The following MPDZ variants were observed in gnomAD, a reference collection of about 807,000 sequenced individuals.
The protein encoded by MPDZ is multiple PDZ domain crumbs cell polarity complex component, also known as multiple PDZ domain protein.
Under a neutral mutation model 239.1 loss-of-function variants are expected in MPDZ, and 234 were observed. That is an observed-to-expected ratio of 0.98 (90% confidence interval 0.88 to 1.09). The LOEUF is 1.09. Among genes scored for constraint, MPDZ ranks in the 50% least tolerant of loss-of-function variants. The probability of loss-of-function intolerance (pLI) is 0.00; values close to 1 mark genes in which losing one functional copy is unlikely to be tolerated. For missense variants in MPDZ, 3,175 were observed against 2,510.0 expected, an observed-to-expected ratio of 1.26 and a Z score of -5.66; for synonymous variants, 1,048 against 881.3, an observed-to-expected ratio of 1.19 and a Z score of -3.35.
intron 19 of MPDZ, among the ~76,000 whole-genome samples, chr9:13,179,249 T>A (rs971710371): frequency 2.6e-5 from 4 of 152,182 alleles, no homozygotes; most frequent in Non-Finnish European, 4.4e-5. Context: ...CCAACTTTGA[T>A]AATTTTATTC....
chr9:13,122,048 C>A (rs1345814327), intron 37 of MPDZ, 39 bp downstream of exon 37: 1 of 1,610,092 alleles, frequency 6.2e-7, no homozygotes, highest in East Asian at 2.2e-5. Flanking sequence ...GGAGCCTTTT[C>A]TCTGTTAATT....
At chr9:13,264,692 A>T (rs899380035) in intron 1 of MPDZ, among the ~76,000 whole-genome samples, 5 of 151,654 alleles carry the variant, frequency 3.3e-5, no homozygotes, top group African/African-American at 1.2e-4. Context: ...AATACACATT[A>T]GGGAACTATG....
intron 3 of MPDZ, among the ~76,000 whole-genome samples, chr9:13,236,849 G>C (rs1255286836): frequency 6.6e-6 from 1 of 150,446 alleles, no homozygotes; most frequent in Non-Finnish European, 1.5e-5. Context: ...AACGTACCAG[G>C]ATGTTTTACC....
intron 3 of MPDZ, among the ~76,000 whole-genome samples, chr9:13,227,486 C>T (rs1961004006): frequency 6.6e-6 from 1 of 151,816 alleles, no homozygotes; most frequent in Non-Finnish European, 1.5e-5. Context: ...CCTGAGGATC[C>T]CACACACCAA....
chr9:13,147,496 C>A, intron 26 of MPDZ, 52 bp downstream of exon 26: 1 of 1,390,582 alleles, frequency 7.2e-7, no homozygotes. Flanking sequence ...ACATTAGATT[C>A]CAAGTTGAAC....
intron 38 of MPDZ, among the ~76,000 whole-genome samples, chr9:13,121,433 T>G (rs2131595555): frequency 6.6e-6 from 1 of 152,338 alleles, no homozygotes; most frequent in Non-Finnish European, 1.5e-5. Context: ...GATGAGTTTT[T>G]GGAGTTCAGG....
chr9:13,217,881 G>A (rs763861278), intron 8 of MPDZ, among the ~76,000 whole-genome samples: 4 of 151,796 alleles, frequency 2.6e-5, no homozygotes, highest in African/African-American at 4.8e-5. Flanking sequence ...CTGAAAGTGG[G>A]TTTCTCAGAT....
intron 36 of MPDZ, 22 bp downstream of exon 36, chr9:13,123,131 A>G: frequency 6.2e-7 from 1 of 1,600,502 alleles, no homozygotes; most frequent in Non-Finnish European, 8.5e-7. Flanking sequence ...CCTGTACAGA[A>G]GCACCTCTGG....
intron 1 of MPDZ, among the ~76,000 whole-genome samples, chr9:13,256,634 T>A (rs1045835131): frequency 6.6e-6 from 1 of 152,016 alleles, no homozygotes; most frequent in African/African-American, 2.4e-5. Flanking sequence ...GATGGAGCAG[T>A]TGGAACATGT....
chr9:13,136,335 T>TTTTTTTTTTTTTTTTTTTTC (rs1946776583), intron 30 of MPDZ, among the ~76,000 whole-genome samples, 153 bp from the exon 31 acceptor site: 1 of 131,612 alleles, frequency 7.6e-6, no homozygotes, highest in Non-Finnish European at 1.6e-5. Flanking sequence ...CTTTTTTTTT[T>TTTTTTTTTTTTTTTTTTTTC]TTTTTTTTTT....
chr9:13,269,277 A>T (rs944363758), intron 1 of MPDZ, among the ~76,000 whole-genome samples: 12 of 152,210 alleles, frequency 7.9e-5, no homozygotes, highest in African/African-American at 2.7e-4. Flanking sequence ...GAGGAAAGAG[A>T]AATATGGTTA....
intron 1 of MPDZ, 77 bp downstream of exon 1, chr9:13,279,323 G>C (rs1218601117): frequency 8.0e-6 from 1 of 124,776 alleles, no homozygotes; most frequent in Non-Finnish European, 1.7e-5. Flanking sequence ...GGGCGCCCGC[G>C]CACCTTCCCC....
rs536141031 is a variant in MPDZ, at chr9:13,278,427, G to T, written c.-58+973C>A. Among the ~76,000 whole-genome samples, 3 of 152,174 alleles carry T rather than the reference G, an allele frequency of 2.0e-5. No homozygotes were observed. The East Asian group carries it at 5.8e-4, about 30-fold the overall frequency. ...CGGCCTCTACCTCCCGCCGGCGCCT[G>T]GCCACTTCTCCTCCCCCGCAGTCTC... On this transcript the variant is annotated intron_variant, in intron 1 of 46. Transcript: ENST00000319217.
At chr9:13,261,347 A>G (rs2138727257) in intron 1 of MPDZ, among the ~76,000 whole-genome samples, 1 of 151,844 alleles carries the variant, frequency 6.6e-6, no homozygotes, top group Non-Finnish European at 1.5e-5. Flanking sequence ...TTTACAATGA[A>G]CTCCATTTTG....
chr9:13,276,519 C>T (rs1367943066), intron 1 of MPDZ: 1 of 152,102 alleles, frequency 6.6e-6, no homozygotes, highest in African/African-American at 2.4e-5. Flanking sequence ...GGCCAAATAT[C>T]TATTTTCAAA....
intron 1 of MPDZ, among the ~76,000 whole-genome samples, chr9:13,259,720 T>A (rs144927973): frequency 6.6e-6 from 1 of 152,024 alleles, no homozygotes; most frequent in South Asian, 2.1e-4. Flanking sequence ...GTTTCTTATA[T>A]AGTAACCTGG....
intron 28 of MPDZ, among the ~76,000 whole-genome samples, chr9:13,139,106 T>A (rs566809713): frequency 1.3e-5 from 2 of 152,178 alleles, no homozygotes; most frequent in African/African-American, 2.4e-5. Flanking sequence ...TAGAAAACGT[T>A]ATTATATGGC....
At chr9:13,115,132 C>T (rs1324394936) in intron 40 of MPDZ, 116 bp downstream of exon 40, 6 of 784,302 alleles carry the variant, frequency 7.7e-6, no homozygotes, top group Non-Finnish European at 2.1e-6. Context: ...GCACCTCAGT[C>T]ACTATCCCAC....
chr9:13,121,491 A>G (rs1199253617), intron 38 of MPDZ, among the ~76,000 whole-genome samples: 2 of 152,234 alleles, frequency 1.3e-5, no homozygotes, highest in Non-Finnish European at 2.9e-5. Flanking sequence ...CGTATTTCCT[A>G]GCACATAGCA....
Sources: gnomAD v4.1 joint callset for allele counts (sites outside exome capture counted in the v4.1 genomes callset) on GRCh38, gnomAD v4.1.1 for gene constraint, MANE v1.5 for transcripts, NCBI Gene and HGNC (gene_info 2026-07-23, HGNC 2026-07-21) for gene names.